The following SUPT3H variants were observed in gnomAD, a reference collection of about 807,000 sequenced individuals.
SUPT3H encodes SPT3 homolog, SAGA and STAGA complex component.
Under a neutral mutation model 44.3 loss-of-function variants are expected in SUPT3H, and 44 were observed. The ratio of observed to expected loss-of-function variants is 0.99; its 90% confidence interval spans 0.78 to 1.28. The LOEUF (loss-of-function observed/expected upper bound fraction) is 1.28. Among genes scored for constraint, SUPT3H ranks in the 50% most tolerant of loss-of-function variants. SUPT3H has a pLI of 0.00. For synonymous variants in SUPT3H, 124 were observed against 125.6 expected (o/e 0.99, Z 0.09); for missense variants, 380 against 387.1 (o/e 0.98, Z 0.15).
intron 10 of SUPT3H, among the ~76,000 whole-genome samples, chr6:44,889,170 T>C (rs998810324): frequency 2.0e-5 from 3 of 151,988 alleles, no homozygotes; most frequent in African/African-American, 7.3e-5. Context: ...AGAATCAATA[T>C]TGTGAAAATG....
intron 3 of SUPT3H, among the ~76,000 whole-genome samples, chr6:45,105,406 AT>A (rs990557418): frequency 2.0e-5 from 3 of 151,974 alleles, no homozygotes; most frequent in South Asian, 2.1e-4. Context: ...AGTCAGACAA[AT>A]TTTTTTTAAA....
intron 2 of SUPT3H, among the ~76,000 whole-genome samples, chr6:45,312,004 T>C (rs919819637): frequency 1.3e-5 from 2 of 152,218 alleles, no homozygotes; most frequent in African/African-American, 2.4e-5. Context: ...GTAAATGGCC[T>C]AAATGCTCCA....
At chr6:45,017,603 A>T (rs1784490133) in intron 4 of SUPT3H, among the ~76,000 whole-genome samples, 1 of 151,702 alleles carries the variant, frequency 6.6e-6, no homozygotes, top group South Asian at 2.1e-4. Context: ...TAAATAGGGA[A>T]TCCTTTCCCC....
intron 3 of SUPT3H, among the ~76,000 whole-genome samples, chr6:45,078,967 C>T (rs1795383720): frequency 6.6e-6 from 1 of 152,144 alleles, no homozygotes; most frequent in African/African-American, 2.4e-5. Context: ...CTTTCTTGAT[C>T]TCAATGTCCA....
intron 10 of SUPT3H, among the ~76,000 whole-genome samples, chr6:44,839,904 G>A (rs186842094): frequency 6.6e-6 from 1 of 152,096 alleles, no homozygotes; most frequent in Non-Finnish European, 1.5e-5. Flanking sequence ...GTTTCACCGT[G>A]TTAGCCAGGA....
At chr6:44,939,408 A>G (rs979951664) in intron 9 of SUPT3H, among the ~76,000 whole-genome samples, 2 of 152,050 alleles carry the variant, frequency 1.3e-5, no homozygotes, top group African/African-American at 4.8e-5. Flanking sequence ...TCCCTGGTAT[A>G]AAACTCACTC....
intron 7 of SUPT3H, among the ~76,000 whole-genome samples, chr6:44,957,051 A>G (rs9472408): frequency 1.3e-5 from 2 of 152,196 alleles, no homozygotes; most frequent in African/African-American, 4.8e-5. Context: ...TTCATTAGAC[A>G]TTATTCATTT....
chr6:44,880,971 T>C (rs1218219164), intron 10 of SUPT3H, among the ~76,000 whole-genome samples: 3 of 152,038 alleles, frequency 2.0e-5, no homozygotes, highest in Non-Finnish European at 2.9e-5. Context: ...TGCAAAAACA[T>C]ACCAAATTCT....
intron 6 of SUPT3H, among the ~76,000 whole-genome samples, chr6:44,997,275 A>G (rs1781393807): frequency 6.6e-6 from 1 of 151,830 alleles, no homozygotes. Flanking sequence ...TGAGCTATTT[A>G]CAACATTTAG....
chr6:44,828,292 CA>C lies in SUPT3H; in HGVS notation c.*1523del, dbSNP rs769191557. ...GTTTAATCATAATCATACATTTTAA[CA>C]AGCATAGATGGAACATCAAAATCCT... On this transcript the variant is annotated 3_prime_UTR_variant, in exon 11 of 11. Transcript: ENST00000371459. 4.6e-5 allele frequency among the ~76,000 whole-genome samples: 7 copies of C among 152,094 alleles called. No individual in the cohort carries two copies. The highest frequency in any genetic ancestry group is 7.2e-5 in the African/African-American group (3 of 41,432).
At chr6:45,289,788 T>C (rs1295825169) in intron 2 of SUPT3H, among the ~76,000 whole-genome samples, 1 of 152,220 alleles carries the variant, frequency 6.6e-6, no homozygotes, top group East Asian at 1.9e-4. Flanking sequence ...CTAAATATGC[T>C]TGCTGTTTAG....
intron 2 of SUPT3H, among the ~76,000 whole-genome samples, chr6:45,279,463 A>G (rs1004233207): frequency 6.6e-6 from 1 of 152,140 alleles, no homozygotes; most frequent in African/African-American, 2.4e-5. Context: ...ATCTCTCATG[A>G]GTGGCTTGGT....
rs931845581 is a variant in SUPT3H at position 45,283,627 on chromosome 6, G to A, written c.101+81574C>T. 6.6e-5 allele frequency among the ~76,000 whole-genome samples: 10 copies of A among 151,720 alleles called. No homozygotes were observed. The South Asian group carries it at 8.4e-4, about 13-fold the overall frequency. On this transcript the variant is annotated intron_variant, in intron 2 of 10. Transcript: ENST00000371459. The stretch of plus-strand genomic sequence containing the variant: ...TACAAAGAGACTTAGACTCCCACAC[G>A]ATAATAATGGGAGACTTTAACACCC...
intron 3 of SUPT3H, among the ~76,000 whole-genome samples, chr6:45,047,604 G>A (rs193166372): frequency 6.6e-6 from 1 of 152,226 alleles, no homozygotes; most frequent in East Asian, 1.9e-4. Context: ...TCAGATGGGA[G>A]AAATAACAGC....
chr6:45,228,878 G>A (rs568192695), intron 2 of SUPT3H, among the ~76,000 whole-genome samples: 2 of 152,164 alleles, frequency 1.3e-5, no homozygotes, highest in Non-Finnish European at 2.9e-5. Context: ...GACCTAAGGC[G>A]ATCCACCCGT....
At position 45,077,626 on chromosome 6, in the gene SUPT3H, C is replaced by CAAAA. The variant is rs70993493; in HGVS notation, c.186+28292_186+28295dup. On this transcript the variant is annotated intron_variant, in intron 3 of 10. Transcript: ENST00000371459. Reference sequence around the variant, plus strand: ...TAGGTGACAGAGTGAGACCTTGTTTCAAAAAAAAAAAAAAAAGAAAAGAAA... The same window carrying CAAAA: ...TAGGTGACAGAGTGAGACCTTGTTTCAAAAAAAAAAAAAAAAAAAAGAAAAGAAA... Among the ~76,000 whole-genome samples, 252 of 34,018 alleles carry CAAAA rather than the reference C, an allele frequency of 7.4e-3. 23 individuals are homozygous for CAAAA. The highest frequency in any genetic ancestry group is 0.056 in the South Asian group (37 of 664). 22.3% of individuals were successfully genotyped at this position (34,018 alleles called of 152,430 possible).
At chr6:44,849,283 G>C (rs1240987130) in intron 10 of SUPT3H, among the ~76,000 whole-genome samples, 1 of 135,346 alleles carries the variant, frequency 7.4e-6, no homozygotes, top group Non-Finnish European at 1.5e-5. Flanking sequence ...CTGGAGTGCA[G>C]TGGCGGGATC....
At chr6:45,174,837 AT>A (rs1182946533) in intron 2 of SUPT3H, among the ~76,000 whole-genome samples, 2 of 151,984 alleles carry the variant, frequency 1.3e-5, no homozygotes, top group African/African-American at 2.4e-5. Flanking sequence ...TGAAATACCT[AT>A]CTGAAGTATC....
At chr6:45,276,052 C>T (rs985328438) in intron 2 of SUPT3H, among the ~76,000 whole-genome samples, 1 of 151,806 alleles carries the variant, frequency 6.6e-6, no homozygotes, top group East Asian at 1.9e-4. Flanking sequence ...TATTATTTTC[C>T]CCCAGAAACA....
Sources: allele counts gnomAD v4.1 joint callset (sites outside exome capture counted in the v4.1 genomes callset), GRCh38; gene constraint gnomAD v4.1.1; transcripts MANE v1.5; gene names NCBI Gene and HGNC (gene_info 2026-07-23, HGNC 2026-07-21).